Variants in CHRM3 observed in about 807,000 individuals in gnomAD.
CHRM3 encodes the protein muscarinic acetylcholine receptor M3.
In CHRM3, 11 loss-of-function variants were observed where a neutral mutation model predicts 41.8. The ratio of observed to expected loss-of-function variants is 0.26; its 90% CI spans 0.17 to 0.44. The LOEUF (loss-of-function observed/expected upper bound fraction) is 0.44. Among genes scored for constraint, CHRM3 ranks in the 20% least tolerant of loss-of-function variants. The probability of loss-of-function intolerance (pLI) is 1.00; values close to 1 mark genes in which losing one functional copy is unlikely to be tolerated. For missense variants in CHRM3, 571 were observed against 745.4 expected (o/e 0.77, Z 2.72); for synonymous variants, 297 against 301.4 (o/e 0.99, Z 0.15).
intron 1 of CHRM3, among the ~76,000 whole-genome samples, chr1:239,395,153 C>T (rs1333452032): frequency 2.6e-5 from 4 of 152,108 alleles, no homozygotes; most frequent in African/African-American, 9.7e-5. Flanking sequence ...CTTTTCTCTT[C>T]TTCCTGTTCC....
chr1:239,488,714 CAAAAAAAAAAAAAAAAAAAAAAAAAA>C (rs763682628), intron 1 of CHRM3, among the ~76,000 whole-genome samples: 1 of 46,208 alleles, frequency 2.2e-5, no homozygotes, highest in Admixed American at 4.3e-4. Context: ...GACTCCTTCT[CAAAAAAAAAAAAAAAAAAAAAAAAAA>C]AAAAAAAAAA....
rs1372976043 is a variant in CHRM3 at position 239,776,103 on chromosome 1, C to G, written c.-146-51149C>G. ...CTTTCTTTGTGTTGTCTTCTCTGTT[C>G]AAAGGGACATCAAATAATGATTTGG... On this transcript the variant is annotated intron_variant, in intron 5 of 6. Coordinates refer to ENST00000676153, the MANE Select transcript of CHRM3 (RefSeq NM_001375978.1). Among the ~76,000 whole-genome samples the G allele has an allele frequency of 3.3e-5, 5 of 152,032 alleles. No individual in the cohort carries two copies. The East Asian group carries it at 9.7e-4, about 29-fold the overall frequency.
intron 1 of CHRM3, among the ~76,000 whole-genome samples, chr1:239,404,356 GAA>G (rs767791521): frequency 2.8e-4 from 12 of 42,982 alleles, no homozygotes; most frequent in African/African-American, 5.3e-4. Flanking sequence ...GAAAGAGAAA[GAA>G]AGAAAGAAAG....
intron 1 of CHRM3, among the ~76,000 whole-genome samples, chr1:239,455,150 C>T (rs969232355): frequency 6.6e-6 from 1 of 152,048 alleles, no homozygotes; most frequent in African/African-American, 2.4e-5. Flanking sequence ...CACCCGGGTT[C>T]AAGCAATTTT....
intron 5 of CHRM3, among the ~76,000 whole-genome samples, chr1:239,774,007 C>A (rs948805660): frequency 6.6e-6 from 1 of 152,142 alleles, no homozygotes; most frequent in Admixed American, 6.5e-5. Flanking sequence ...TAGGTACTAC[C>A]TGAGATAATT....
intron 5 of CHRM3, among the ~76,000 whole-genome samples, chr1:239,716,126 G>A (rs112650107): frequency 1.3e-5 from 2 of 152,188 alleles, no homozygotes; most frequent in East Asian, 3.9e-4. Context: ...ACTAACAGGA[G>A]GATGTTTGAA....
At chr1:239,630,781 G>T (rs764853539) in intron 3 of CHRM3, among the ~76,000 whole-genome samples, 6 of 152,072 alleles carry the variant, frequency 3.9e-5, no homozygotes, top group Admixed American at 6.6e-5. Flanking sequence ...TGTGACCCAT[G>T]GTCACTTACA....
At chr1:239,566,349 C>A (rs748419808) in intron 3 of CHRM3, among the ~76,000 whole-genome samples, 1 of 152,170 alleles carries the variant, frequency 6.6e-6, no homozygotes, top group Non-Finnish European at 1.5e-5. Flanking sequence ...CAATGTCCAG[C>A]AAGACATTAC....
At chr1:239,435,954 G>A (rs1663229893) in intron 1 of CHRM3, among the ~76,000 whole-genome samples, 1 of 152,226 alleles carries the variant, frequency 6.6e-6, no homozygotes, top group African/African-American at 2.4e-5. Flanking sequence ...ACGTTTCTTT[G>A]GGGGCTGTGC....
chr1:239,559,097 T>C (rs1660637123), intron 3 of CHRM3, among the ~76,000 whole-genome samples: 1 of 152,166 alleles, frequency 6.6e-6, no homozygotes, highest in South Asian at 2.1e-4. Context: ...GTAATAAGTA[T>C]AACACAAATG....
intron 1 of CHRM3, among the ~76,000 whole-genome samples, chr1:239,466,635 T>C (rs1343894352): frequency 1.3e-5 from 2 of 151,884 alleles, no homozygotes; most frequent in African/African-American, 4.8e-5. Flanking sequence ...TATAATATTA[T>C]AATAATTTTA....
At chr1:239,791,642 A>G (rs973217863) in intron 5 of CHRM3, among the ~76,000 whole-genome samples, 1 of 152,182 alleles carries the variant, frequency 6.6e-6, no homozygotes, top group African/African-American at 2.4e-5. Flanking sequence ...GGAGATCACA[A>G]ACCAATCAGA....
chr1:239,818,882 T>C (rs1222405106), intron 5 of CHRM3, among the ~76,000 whole-genome samples: 1 of 152,184 alleles, frequency 6.6e-6, no homozygotes, highest in African/African-American at 2.4e-5. Context: ...TTATGATGCA[T>C]GCTCAGGTAA....
At chr1:239,401,449 T>G (rs1558192604) in intron 1 of CHRM3, among the ~76,000 whole-genome samples, 1 of 152,214 alleles carries the variant, frequency 6.6e-6, no homozygotes, top group African/African-American at 2.4e-5. Context: ...GTTACCATTC[T>G]GTATTTTGTC....
Position 239,911,962 on chromosome 1 carries a change from A to G in CHRM3, c.*2738A>G, listed in dbSNP as rs529554751. On this transcript the variant is annotated 3_prime_UTR_variant, in exon 7 of 7. Transcript: ENST00000676153. ...TGCATTTCTCAAAGGGCTTGTCATT[A>G]CAGGAGATATTCAGCACTTACCTAA... 12 of 167,108 alleles carry G rather than the reference A, an allele frequency of 7.2e-5. No individual in the cohort carries two copies. Among genetic ancestry groups the G allele is most frequent in the Non-Finnish European group, 1.6e-4 (11 of 68,124 alleles). 10.4% of individuals were successfully genotyped at this position (167,108 alleles called of 1,614,324 possible). A position where few individuals can be genotyped will look rare whatever the true frequency, so the allele number is the denominator to read the frequency against.
In CHRM3 at chr1:239,812,728, G is replaced by C. The variant is rs539257056; in HGVS notation, c.-146-14524G>C. The stretch of plus-strand genomic sequence containing the variant: ...GTGATCTAGCCACCATGGGCTGGGT[G>C]CCTACCTGTGCCAGCCCTGTGCCAA... On this transcript the variant is annotated intron_variant, in intron 5 of 6. Coordinates refer to ENST00000676153, the MANE Select transcript of CHRM3 (RefSeq NM_001375978.1). Among the ~76,000 whole-genome samples the C allele has an allele frequency of 1.5e-3, 229 of 152,312 alleles. 2 individuals carry two copies. The highest frequency in any genetic ancestry group is 5.4e-3 in the African/African-American group (223 of 41,570).
chr1:239,589,531 A>G (rs1440554002), intron 3 of CHRM3, among the ~76,000 whole-genome samples: 1 of 149,248 alleles, frequency 6.7e-6, no homozygotes, highest in Non-Finnish European at 1.5e-5. Flanking sequence ...CTATATATAT[A>G]GTTTTATGTA....
chr1:239,530,149 C>T lies in CHRM3; in HGVS notation c.-421-15492C>T, dbSNP rs375308985. 2.8e-4 allele frequency among the ~76,000 whole-genome samples: 43 copies of T among 152,166 alleles called. No individual in the cohort carries two copies. The East Asian group carries it at 6.4e-3, about 23-fold the overall frequency. On this transcript the variant is annotated intron_variant, in intron 2 of 6. Transcript: ENST00000676153. ...TGATCTCCTGACCTTGTGATCTGCC[C>T]GCCTCGGCCTCCCAAAGTGCTGGGA...
intron 5 of CHRM3, among the ~76,000 whole-genome samples, chr1:239,689,978 A>G (rs1053956263): frequency 6.6e-6 from 1 of 152,020 alleles, no homozygotes; most frequent in Non-Finnish European, 1.5e-5. Context: ...TGAGCCCATA[A>G]CATCCCAGAA....
Sources: gnomAD v4.1 joint callset for allele counts (sites outside exome capture counted in the v4.1 genomes callset) on GRCh38, gnomAD v4.1.1 for gene constraint, MANE v1.5 for transcripts, NCBI Gene and HGNC (gene_info 2026-07-23, HGNC 2026-07-21) for gene names.